ITGB6: variants seen among roughly 807,000 people sequenced by gnomAD.
ITGB6 encodes integrin subunit beta 6.
A neutral mutation model predicts 84.5 loss-of-function variants in ITGB6; 80 were observed. That is an observed-to-expected ratio of 0.95 (90% CI 0.79 to 1.14). The LOEUF is 1.14. Among genes scored for constraint, ITGB6 ranks in the 50% most tolerant of loss-of-function variants. The pLI, the probability that ITGB6 is intolerant of heterozygous loss-of-function variation, is 0.00. For synonymous variants in ITGB6, 383 were observed against 354.9 expected, an observed-to-expected ratio of 1.08 and a Z score of -0.89; for missense variants, 1,006 against 968.0, an observed-to-expected ratio of 1.04 and a Z score of -0.52.
chr2:160,113,921 T>A (rs1339136140), intron 12 of ITGB6, among the ~76,000 whole-genome samples: 1 of 152,192 alleles, frequency 6.6e-6, no homozygotes, highest in Non-Finnish European at 1.5e-5. Flanking sequence ...CTTCTTGGAC[T>A]GTTTTCTTGC....
intron 7 of ITGB6, among the ~76,000 whole-genome samples, chr2:160,144,879 A>C (rs1443022758): frequency 6.6e-6 from 1 of 152,238 alleles, no homozygotes; most frequent in South Asian, 2.1e-4. Context: ...GGCAGCCAGT[A>C]GCAGTAACCA....
chr2:160,172,773 A>G, intron 5 of ITGB6, 43 bp from the exon 6 acceptor site: 1 of 1,518,866 alleles, frequency 6.6e-7, no homozygotes, highest in Non-Finnish European at 9.1e-7. Context: ...GGAGGGAGGC[A>G]GGCATTTATT....
chr2:160,174,375 C>T (rs1685332390), intron 4 of ITGB6, among the ~76,000 whole-genome samples: 1 of 152,152 alleles, frequency 6.6e-6, no homozygotes. Flanking sequence ...TGCACTGGCT[C>T]AAACTCAGAT....
chr2:160,181,314 T>G (rs1486447591), intron 4 of ITGB6, among the ~76,000 whole-genome samples: 1 of 152,176 alleles, frequency 6.6e-6, no homozygotes, highest in Admixed American at 6.5e-5. Flanking sequence ...GAGGGGCATC[T>G]GCCATTACTG....
intron 2 of ITGB6, among the ~76,000 whole-genome samples, chr2:160,198,588 C>A (rs931578739): frequency 2.0e-5 from 3 of 152,188 alleles, no homozygotes; most frequent in African/African-American, 7.2e-5. Flanking sequence ...CTTCATACTG[C>A]TTTCATGTAG....
At chr2:160,188,065 T>G (rs936139058) in intron 4 of ITGB6, among the ~76,000 whole-genome samples, 2 of 152,206 alleles carry the variant, frequency 1.3e-5, no homozygotes, top group Non-Finnish European at 2.9e-5. Flanking sequence ...ATATTATTAT[T>G]CCCGTTTATA....
At position 160,111,767 on chromosome 2, in the gene ITGB6, A is replaced by G. The variant is rs12987481; in HGVS notation, c.2101+313T>C. On this transcript the variant is annotated intron_variant, in intron 13 of 14. Coordinates refer to ENST00000283249, the MANE Select transcript of ITGB6 (RefSeq NM_000888.5). Reference sequence around the variant, plus strand: ...GCTAATTTTTGTATTTTTAGTAGAGACAGGGTTTCACCATGTTGGCCAGGG... The same window carrying G: ...GCTAATTTTTGTATTTTTAGTAGAGGCAGGGTTTCACCATGTTGGCCAGGG... Among the ~76,000 whole-genome samples, 9,920 of 151,972 alleles carry G rather than the reference A, an allele frequency of 0.065. 371 individuals are homozygous for G. Among genetic ancestry groups the G allele is most frequent in the Middle Eastern group, 0.14 (41 of 294 alleles).
chr2:160,168,368 A>C lies in ITGB6; in HGVS notation c.1017+844T>G, dbSNP rs150609118. On this transcript the variant is annotated intron_variant, in intron 7 of 14. Coordinates refer to ENST00000283249, the MANE Select transcript of ITGB6 (RefSeq NM_000888.5). Reference sequence around the variant, plus strand: ...CAAGCAAGTTAAGAGGTCCTTTCAAAAGGAATGAGAGATCAAACTCTGTAT... The same window carrying C: ...CAAGCAAGTTAAGAGGTCCTTTCAACAGGAATGAGAGATCAAACTCTGTAT... Among the ~76,000 whole-genome samples the C allele has an allele frequency of 7.2e-5, 11 of 152,298 alleles. No homozygotes were observed. The East Asian group carries it at 2.1e-3, about 29-fold the overall frequency.
intron 12 of ITGB6, among the ~76,000 whole-genome samples, chr2:160,119,486 C>T (rs1046435876): frequency 8.6e-5 from 13 of 151,838 alleles, no homozygotes; most frequent in Non-Finnish European, 1.9e-4. Flanking sequence ...AAACTGGATC[C>T]CTTCCTTACA....
intron 7 of ITGB6, among the ~76,000 whole-genome samples, chr2:160,148,303 C>A (rs1280162759): frequency 6.6e-6 from 1 of 152,192 alleles, no homozygotes; most frequent in East Asian, 1.9e-4. Flanking sequence ...ACACTAACAA[C>A]ACCAAATGCT....
rs1345079681 is a variant in ITGB6, at chr2:160,113,745, G to C, written c.1982-1546C>G. Among the ~76,000 whole-genome samples the C allele has an allele frequency of 2.0e-5, 3 of 152,330 alleles. No individual in the cohort carries two copies. In the East Asian group the frequency reaches 5.8e-4, roughly 29 times the overall value. ...TAAGTATTTTTAAAAAGGAGATTCT[G>C]ATTAAGAGATTTGGTGAGATGTGTG... On this transcript the variant is annotated intron_variant, in intron 12 of 14. Transcript: ENST00000283249.
At chr2:160,141,927 T>C in intron 8 of ITGB6, 55 bp downstream of exon 8, 3 of 1,111,084 alleles carry the variant, frequency 2.7e-6, no homozygotes, top group Non-Finnish European at 4.1e-6. Flanking sequence ...AATCACATCT[T>C]AGTTTTTGAA....
At chr2:160,121,908 G>T in intron 12 of ITGB6, among the ~76,000 whole-genome samples, 1 of 149,280 alleles carries the variant, frequency 6.7e-6, no homozygotes. Context: ...TTTACTCCTG[G>T]GGAGTAAAAT....
chr2:160,199,560 A>T (rs1198196804), intron 1 of ITGB6, among the ~76,000 whole-genome samples: 1 of 152,208 alleles, frequency 6.6e-6, no homozygotes, highest in Non-Finnish European at 1.5e-5. Flanking sequence ...TTCTTAGCCA[A>T]TGTGTGCCAC....
intron 10 of ITGB6, among the ~76,000 whole-genome samples, chr2:160,130,183 T>C (rs1371062998): frequency 6.6e-6 from 1 of 152,076 alleles, no homozygotes; most frequent in African/African-American, 2.4e-5. Flanking sequence ...ACGGTGAGCA[T>C]TTGTGTATCT....
At chr2:160,187,219 A>G (rs1419131527) in intron 4 of ITGB6, among the ~76,000 whole-genome samples, 2 of 152,212 alleles carry the variant, frequency 1.3e-5, no homozygotes, top group African/African-American at 2.4e-5. Context: ...ATATTGTATC[A>G]TGAAATCTGG....
At chr2:160,136,323 G>T (rs1352872006) in intron 10 of ITGB6, among the ~76,000 whole-genome samples, 1 of 152,222 alleles carries the variant, frequency 6.6e-6, no homozygotes, top group Non-Finnish European at 1.5e-5. Flanking sequence ...CTGGCCATCA[G>T]AGAAATGCAA....
intron 7 of ITGB6, among the ~76,000 whole-genome samples, chr2:160,150,673 AG>A (rs912089369): frequency 1.8e-4 from 27 of 152,342 alleles, no homozygotes; most frequent in African/African-American, 6.3e-4. Flanking sequence ...AAATTGGATA[AG>A]GAGTCAAGAC....
chr2:160,190,320 GT>G (rs1559229430), intron 4 of ITGB6, among the ~76,000 whole-genome samples: 2 of 151,758 alleles, frequency 1.3e-5, no homozygotes, highest in African/African-American at 4.8e-5. Flanking sequence ...AAACCTGCAC[GT>G]TGTGCACATG....
Sources: gnomAD v4.1 joint callset for allele counts (sites outside exome capture counted in the v4.1 genomes callset) on GRCh38, gnomAD v4.1.1 for gene constraint, MANE v1.5 for transcripts, NCBI Gene and HGNC (gene_info 2026-07-23, HGNC 2026-07-21) for gene names.